Variants in CCBE1 observed in about 807,000 individuals in gnomAD.
The protein encoded by CCBE1 is collagen and calcium binding EGF domains 1, also known as collagen and calcium-binding EGF domain-containing protein 1.
Under a neutral mutation model 50.0 loss-of-function variants are expected in CCBE1, and 37 were observed. The observed-to-expected ratio is 0.74, with a 90% CI of 0.57 to 0.97. The LOEUF is 0.97. CCBE1 is among the 50% of genes least tolerant of loss of function. The pLI, the probability that CCBE1 is intolerant of heterozygous loss-of-function variation, is 0.00. For synonymous variants in CCBE1, 234 were observed against 203.7 expected, an observed-to-expected ratio of 1.15 and a Z score of -1.27; for missense variants, 538 against 523.8, an observed-to-expected ratio of 1.03 and a Z score of -0.26.
chr18:59,676,685 CAATA>C (rs763211798), intron 2 of CCBE1, among the ~76,000 whole-genome samples: 32 of 152,186 alleles, frequency 2.1e-4, no homozygotes, highest in Non-Finnish European at 2.1e-4. Flanking sequence ...GGAAAAGACA[CAATA>C]AATAAAGTAC....
intron 2 of CCBE1, among the ~76,000 whole-genome samples, chr18:59,583,654 C>CGCGTGT (rs2053120722): frequency 7.0e-6 from 1 of 142,106 alleles, no homozygotes; most frequent in African/African-American, 2.6e-5. Flanking sequence ...CACTGCTTTG[C>CGCGTGT]GTGTGTGTGT....
At chr18:59,468,289 G>A (rs114168315) in intron 4 of CCBE1, among the ~76,000 whole-genome samples, 49 of 152,344 alleles carry the variant, frequency 3.2e-4, no homozygotes, top group African/African-American at 1.2e-3. Flanking sequence ...GGAGGCTCAG[G>A]TGGGAGGATC....
At chr18:59,560,711 T>C (rs1020232809) in intron 2 of CCBE1, among the ~76,000 whole-genome samples, 5 of 152,208 alleles carry the variant, frequency 3.3e-5, no homozygotes, top group Non-Finnish European at 5.9e-5. Flanking sequence ...AGTAACTGCA[T>C]ATGCTGCCCT....
At chr18:59,486,385 A>C (rs1248316488) in intron 2 of CCBE1, among the ~76,000 whole-genome samples, 1 of 152,216 alleles carries the variant, frequency 6.6e-6, no homozygotes, top group Non-Finnish European at 1.5e-5. Flanking sequence ...AGGGGAAGAA[A>C]TAGGGGGAAG....
chr18:59,478,359 G>C (rs1912409973), intron 3 of CCBE1, among the ~76,000 whole-genome samples: 1 of 152,116 alleles, frequency 6.6e-6, no homozygotes, highest in Admixed American at 6.5e-5. Context: ...TACTGCATTT[G>C]TACTTTGCAT....
At chr18:59,603,565 T>C (rs1013972574) in intron 2 of CCBE1, among the ~76,000 whole-genome samples, 5 of 152,192 alleles carry the variant, frequency 3.3e-5, no homozygotes, top group African/African-American at 1.2e-4. Flanking sequence ...TGCTCATCTT[T>C]AAGTAATTAC....
At chr18:59,670,159 G>A (rs906050352) in intron 2 of CCBE1, among the ~76,000 whole-genome samples, 4 of 121,036 alleles carry the variant, frequency 3.3e-5, no homozygotes, top group Non-Finnish European at 5.6e-5. Context: ...AGAAGCATGT[G>A]CCTTATTACA....
chr18:59,619,597 C>T (rs529396279), intron 2 of CCBE1, among the ~76,000 whole-genome samples: 3 of 152,186 alleles, frequency 2.0e-5, no homozygotes, highest in East Asian at 3.9e-4. Flanking sequence ...ATGATTTATC[C>T]GGCTCCATTT....
intron 2 of CCBE1, among the ~76,000 whole-genome samples, chr18:59,651,902 A>G (rs1162886980): frequency 6.6e-6 from 1 of 152,216 alleles, no homozygotes; most frequent in Non-Finnish European, 1.5e-5. Flanking sequence ...CAGGGTGTCC[A>G]TTATCAAGAT....
At position 59,513,531 on chromosome 18, in the gene CCBE1, G is replaced by A. The variant is rs557798916; in HGVS notation, c.213-33293C>T. ...TCAGTGTGGAACTTCCGACACCACA[G>A]TCAGGTAAGTCTGGAGGCAGGTGGC... On this transcript the variant is annotated intron_variant, in intron 2 of 10. Transcript: ENST00000439986. 3.7e-4 allele frequency among the ~76,000 whole-genome samples: 57 copies of A among 152,338 alleles called. 1 individual carries two copies. The highest frequency in any genetic ancestry group is 3.4e-3 in the Middle Eastern group (1 of 294).
intron 2 of CCBE1, among the ~76,000 whole-genome samples, chr18:59,585,432 G>A (rs562975540): frequency 2.0e-4 from 31 of 151,446 alleles, no homozygotes; most frequent in Non-Finnish European, 2.9e-4. Context: ...GAATCCTGTT[G>A]GGCTATCACT....
At chr18:59,679,153 A>T (rs1333909231) in intron 2 of CCBE1, among the ~76,000 whole-genome samples, 1 of 152,168 alleles carries the variant, frequency 6.6e-6, no homozygotes, top group Non-Finnish European at 1.5e-5. Flanking sequence ...CCATACAGTG[A>T]TCTGCTCTAC....
chr18:59,673,027 A>C (rs1312634059), intron 2 of CCBE1, among the ~76,000 whole-genome samples: 1 of 152,244 alleles, frequency 6.6e-6, no homozygotes, highest in Non-Finnish European at 1.5e-5. Flanking sequence ...TTTAAGACTA[A>C]GAAATAATCA....
intron 6 of CCBE1, among the ~76,000 whole-genome samples, chr18:59,453,107 T>C (rs555500615): frequency 6.6e-6 from 1 of 152,308 alleles, no homozygotes; most frequent in Non-Finnish European, 1.5e-5. Flanking sequence ...GCAACTGAAT[T>C]TCTGAATGAC....
intron 2 of CCBE1, among the ~76,000 whole-genome samples, chr18:59,547,771 C>A (rs540745819): frequency 2.6e-5 from 4 of 152,298 alleles, no homozygotes; most frequent in African/African-American, 9.6e-5. Context: ...GTGTGGGCTA[C>A]GTCTGGGCGG....
At chr18:59,688,078 T>G (rs930602681) in intron 2 of CCBE1, 24 of 152,358 alleles carry the variant, frequency 1.6e-4, no homozygotes, top group African/African-American at 5.3e-4. Flanking sequence ...TCCGAATACC[T>G]TCAATGAAAA....
chr18:59,610,549 G>A (rs1378016964), intron 2 of CCBE1, among the ~76,000 whole-genome samples: 1 of 152,058 alleles, frequency 6.6e-6, no homozygotes, highest in Non-Finnish European at 1.5e-5. Context: ...AAAAGATTCT[G>A]GAATCCACCA....
At chr18:59,663,754 A>G (rs2054316676) in intron 2 of CCBE1, among the ~76,000 whole-genome samples, 1 of 152,154 alleles carries the variant, frequency 6.6e-6, no homozygotes, top group Non-Finnish European at 1.5e-5. Flanking sequence ...GATGTACAGG[A>G]GTTCCAATTC....
chr18:59,611,477 G>A (rs1008447128), intron 2 of CCBE1, among the ~76,000 whole-genome samples: 2 of 152,218 alleles, frequency 1.3e-5, no homozygotes, highest in African/African-American at 4.8e-5. Flanking sequence ...AGGCACAGTG[G>A]CTCATGCCTG....
Sources: allele counts gnomAD v4.1 joint callset (sites outside exome capture counted in the v4.1 genomes callset), GRCh38; gene constraint gnomAD v4.1.1; transcripts MANE v1.5; gene names NCBI Gene and HGNC (gene_info 2026-07-23, HGNC 2026-07-21).